HACE1: variants seen among roughly 807,000 people sequenced by gnomAD.
The protein encoded by HACE1 is HECT domain and ankyrin repeat containing E3 ubiquitin protein ligase 1, also known as E3 ubiquitin-protein ligase HACE1.
HACE1 carries 73 observed loss-of-function variants against 118.4 expected under a neutral mutation model. The ratio of observed to expected loss-of-function variants is 0.62; its 90% CI spans 0.51 to 0.75. The LOEUF is 0.75. HACE1 is among the 30% of genes least tolerant of loss of function. HACE1 has a pLI of 0.00. For missense variants in HACE1, 749 were observed against 1,102.2 expected (o/e 0.68, Z 4.54); for synonymous variants, 368 against 374.8 (o/e 0.98, Z 0.21).
intron 6 of HACE1, among the ~76,000 whole-genome samples, chr6:104,819,068 G>C (rs900985981): frequency 1.3e-5 from 2 of 152,108 alleles, no homozygotes; most frequent in African/African-American, 4.8e-5. Flanking sequence ...AAAACAAAAG[G>C]CCAAACAAAT....
chr6:104,737,280 CTCAAAAAAAA>C (rs1775963608), intron 22 of HACE1, among the ~76,000 whole-genome samples: 1 of 79,774 alleles, frequency 1.3e-5, no homozygotes, highest in African/African-American at 5.6e-5. Flanking sequence ...GAGACTCTCT[CTCAAAAAAAA>C]AAAAAAAAAA....
intron 19 of HACE1, among the ~76,000 whole-genome samples, chr6:104,763,852 C>A (rs1779674764): frequency 6.6e-6 from 1 of 152,020 alleles, no homozygotes; most frequent in Non-Finnish European, 1.5e-5. Context: ...GATATCGAGA[C>A]CAGCCTGGCC....
At chr6:104,745,825 C>T (rs1336408778) in intron 20 of HACE1, among the ~76,000 whole-genome samples, 1 of 152,028 alleles carries the variant, frequency 6.6e-6, no homozygotes, top group Non-Finnish European at 1.5e-5. Context: ...TATACCTGAC[C>T]TTGTACCTTA....
chr6:104,853,827 C>G (rs531138480), intron 1 of HACE1, among the ~76,000 whole-genome samples: 1 of 152,260 alleles, frequency 6.6e-6, no homozygotes, highest in East Asian at 1.9e-4. Context: ...GGGATACATT[C>G]CAAGACCCCG....
intron 19 of HACE1, among the ~76,000 whole-genome samples, chr6:104,762,070 G>C (rs1404757797): frequency 6.6e-6 from 1 of 152,212 alleles, no homozygotes; most frequent in Non-Finnish European, 1.5e-5. Context: ...AGAGGTTGTG[G>C]AGAAAGAGGA....
intron 15 of HACE1, 38 bp from the exon 16 acceptor site, chr6:104,777,148 T>G (rs757132615): frequency 1.3e-6 from 2 of 1,564,752 alleles, no homozygotes; most frequent in Non-Finnish European, 1.8e-6. Context: ...CATATTAAAA[T>G]TTATAATAAA....
chr6:104,793,600 T>A (rs1291306220), intron 10 of HACE1, among the ~76,000 whole-genome samples: 1 of 152,212 alleles, frequency 6.6e-6, no homozygotes, highest in Admixed American at 6.5e-5. Context: ...TGTCACTAAT[T>A]AACATATATT....
chr6:104,852,454 A>C (rs1776340771), intron 1 of HACE1, 83 bp from the exon 2 acceptor site: 1 of 839,436 alleles, frequency 1.2e-6, no homozygotes, highest in Admixed American at 2.0e-5. Context: ...AATTTTCCTA[A>C]CTCTATACAA....
chr6:104,805,952 A>G (rs1770948990), intron 7 of HACE1, among the ~76,000 whole-genome samples: 1 of 152,236 alleles, frequency 6.6e-6, no homozygotes, highest in South Asian at 2.1e-4. Flanking sequence ...TGGGGATCAG[A>G]CAGGATGAAC....
At chr6:104,747,760 G>A (rs1486475989) in intron 20 of HACE1, among the ~76,000 whole-genome samples, 4 of 152,096 alleles carry the variant, frequency 2.6e-5, no homozygotes, top group Non-Finnish European at 4.4e-5. Context: ...TTTTGTGAGC[G>A]TTTTTAAAGT....
intron 20 of HACE1, among the ~76,000 whole-genome samples, chr6:104,746,353 T>C (rs966635809): frequency 6.0e-4 from 91 of 152,328 alleles, no homozygotes; most frequent in African/African-American, 2.0e-3. Context: ...CTAGTCTACA[T>C]TGACCACCCC....
intron 19 of HACE1, among the ~76,000 whole-genome samples, chr6:104,760,344 C>T (rs937964998): frequency 1.3e-5 from 2 of 152,186 alleles, no homozygotes; most frequent in African/African-American, 4.8e-5. Flanking sequence ...AAAAGCTTAT[C>T]CACCACGATC....
At chr6:104,776,897 C>G in intron 16 of HACE1, 69 bp from the exon 17 acceptor site, 1 of 1,338,768 alleles carries the variant, frequency 7.5e-7, no homozygotes, top group Non-Finnish European at 1.1e-6. Flanking sequence ...TTCTAAATAA[C>G]AAAATTTAAA....
intron 7 of HACE1, among the ~76,000 whole-genome samples, chr6:104,804,068 T>C (rs897738170): frequency 1.3e-5 from 2 of 151,926 alleles, no homozygotes; most frequent in Non-Finnish European, 2.9e-5. Context: ...TATACACCAA[T>C]AACAGACAAA....
intron 7 of HACE1, among the ~76,000 whole-genome samples, chr6:104,803,836 T>A (rs1394311471): frequency 1.3e-5 from 2 of 152,138 alleles, no homozygotes; most frequent in African/African-American, 4.8e-5. Context: ...ACCACTCCTA[T>A]TCAATGTAGT....
At chr6:104,822,526 C>T (rs576872612) in intron 6 of HACE1, among the ~76,000 whole-genome samples, 17 of 151,810 alleles carry the variant, frequency 1.1e-4, no homozygotes, top group African/African-American at 4.1e-4. Context: ...ACGCTCCGGC[C>T]GGTTCAACAG....
In HACE1 at chr6:104,784,145, G is replaced by A; in HGVS notation, c.1507C>T (p.His503Tyr). The A allele has an allele frequency of 6.3e-7, 1 of 1,596,480 alleles. No homozygotes were observed. ...RNPKIIFDHFHFLLECPELMS... is the reference protein window; with the variant it reads ...RNPKIIFDHFYFLLECPELMS... ...AACTCAGGACATTCAAGGAGAAAGT[G>A]AAAGTGGTCAAATATAATTTTGGGA... The change falls in exon 14 of 24, where the codon CAC becomes TAC. Residue 503 changes from histidine (H) to tyrosine (Y), a missense_variant. Physicochemically the swap from His to Tyr is moderately conservative, Grantham distance 83 (BLOSUM62 2). This residue lies in a region of HACE1 where 195 missense variants were observed against 322.1 expected (regional missense o/e 0.61). Transcript: ENST00000262903.
chr6:104,763,981 A>T (rs1052415717), intron 19 of HACE1, among the ~76,000 whole-genome samples: 1 of 152,024 alleles, frequency 6.6e-6, no homozygotes, highest in African/African-American at 2.4e-5. Flanking sequence ...TGAGAGGCAA[A>T]GGTTGTAGTG....
intron 6 of HACE1, among the ~76,000 whole-genome samples, chr6:104,818,515 C>G (rs889238215): frequency 6.6e-6 from 1 of 152,054 alleles, no homozygotes; most frequent in African/African-American, 2.4e-5. Flanking sequence ...TGAGAAGGGA[C>G]TATTCCCTAA....
Sources: allele counts gnomAD v4.1 joint callset (sites outside exome capture counted in the v4.1 genomes callset), GRCh38; gene constraint gnomAD v4.1.1; regional missense constraint gnomAD v4.1.1; transcripts MANE v1.5; gene names NCBI Gene and HGNC (gene_info 2026-07-23, HGNC 2026-07-21).